The following RELN variants were observed in gnomAD, a reference collection of about 807,000 sequenced individuals.
The protein encoded by RELN is reelin.
In RELN, 108 loss-of-function variants were observed where a neutral mutation model predicts 427.6. The ratio of observed to expected loss-of-function variants is 0.25; its 90% CI spans 0.22 to 0.30. The LOEUF (loss-of-function observed/expected upper bound fraction) is 0.30, where lower values mean the gene tolerates loss of function less well. Ranked by LOEUF, RELN falls within the 10% of genes least tolerant of loss-of-function variation. RELN has a pLI of 1.00. For synonymous variants in RELN, 1,524 were observed against 1,513.4 expected (o/e 1.01, Z -0.16); for missense variants, 3,715 against 4,302.8 (o/e 0.86, Z 3.82).
intron 1 of RELN, among the ~76,000 whole-genome samples, chr7:103,930,476 T>C (rs1021416304): frequency 1.3e-5 from 2 of 151,962 alleles, no homozygotes; most frequent in Non-Finnish European, 1.5e-5. Context: ...AATGCATTTC[T>C]TTCTTTTTTG....
At chr7:103,634,635 C>A (rs1201237681) in intron 19 of RELN, among the ~76,000 whole-genome samples, 1 of 151,854 alleles carries the variant, frequency 6.6e-6, no homozygotes, top group African/African-American at 2.4e-5. Flanking sequence ...CCCATTTTTG[C>A]CAGAGACACT....
chr7:103,523,961 GC>G (rs1323700656), intron 46 of RELN, among the ~76,000 whole-genome samples: 3 of 152,196 alleles, frequency 2.0e-5, no homozygotes, highest in African/African-American at 7.2e-5. Flanking sequence ...ACAGGCATGA[GC>G]CACTGTGCCT....
chr7:103,684,298 G>A (rs1003108882), intron 10 of RELN, among the ~76,000 whole-genome samples: 1 of 152,134 alleles, frequency 6.6e-6, no homozygotes, highest in Non-Finnish European at 1.5e-5. Context: ...GGCACAGCGG[G>A]CTTGGTGTCT....
rs1427587766 is a variant in RELN at position 103,486,426 on chromosome 7, A to G, written c.9764-10T>C. 15 of 1,606,110 alleles carry G rather than the reference A, an allele frequency of 9.3e-6. No homozygotes were observed. Among genetic ancestry groups the G allele is most frequent in the Non-Finnish European group, 1.3e-5 (15 of 1,172,748 alleles). ...ACAGAGCAGTCATCACCTAGAGGAC[A>G]AGGAGCAGTCACAGAAATTAAGTGG... On this transcript the variant is annotated splice_polypyrimidine_tract_variant and intron_variant, in intron 60 of 64. Transcript: ENST00000428762.
chr7:103,571,572 A>G lies in RELN; in HGVS notation c.4588+612T>C, dbSNP rs77305327. ...TTTAGTGCATGATCATGGGCAGGTT[A>G]CTTGACCTTTCGGTGCCTCAGTTTC... On this transcript the variant is annotated intron_variant, in intron 31 of 64. Coordinates refer to ENST00000428762, the MANE Select transcript of RELN (RefSeq NM_005045.4). Among the ~76,000 whole-genome samples the G allele has an allele frequency of 5.8e-3, 884 of 152,296 alleles. 6 individuals carry two copies. Among genetic ancestry groups the G allele is most frequent in the African/African-American group, 0.02 (849 of 41,564 alleles).
At chr7:103,744,967 G>T (rs1032573729) in intron 6 of RELN, among the ~76,000 whole-genome samples, 17 of 152,118 alleles carry the variant, frequency 1.1e-4, no homozygotes, top group African/African-American at 4.1e-4. Context: ...AACCAAAAAA[G>T]ATAATTTTAG....
intron 1 of RELN, among the ~76,000 whole-genome samples, chr7:103,922,888 G>A (rs1205833045): frequency 4.2e-5 from 6 of 144,188 alleles, no homozygotes; most frequent in Non-Finnish European, 7.4e-5. Context: ...TTTAATATGT[G>A]CAGAAAAGAA....
chr7:103,640,637 T>C lies in RELN; in HGVS notation c.2003-28A>G. The C allele has an allele frequency of 1.2e-6, 2 of 1,609,004 alleles. No homozygotes were observed. Among genetic ancestry groups the C allele is most frequent in the Non-Finnish European group, 1.7e-6 (2 of 1,176,104 alleles). On this transcript the variant is annotated intron_variant, in intron 16 of 64. Coordinates refer to ENST00000428762, the MANE Select transcript of RELN (RefSeq NM_005045.4). The surrounding 1 kb of genome is among the most constrained non-coding windows in gnomAD (Gnocchi z 4.1). Reference sequence around the variant, plus strand: ...GTGGGAGGGAAAAAGAGAACATAATTACAAAAACATAGAACACTACCAGTA... The same window carrying C: ...GTGGGAGGGAAAAAGAGAACATAATCACAAAAACATAGAACACTACCAGTA...
intron 19 of RELN, 38 bp downstream of exon 19, chr7:103,635,387 C>T (rs956100172): frequency 7.5e-6 from 12 of 1,605,062 alleles, no homozygotes; most frequent in Non-Finnish European, 1.0e-5. Context: ...GAGAAGATTT[C>T]ACTCTACAAC....
At chr7:103,718,976 CCAAA>C (rs1412282366) in intron 8 of RELN, among the ~76,000 whole-genome samples, 1 of 152,034 alleles carries the variant, frequency 6.6e-6, no homozygotes, top group East Asian at 1.9e-4. Context: ...ACACAACTAC[CCAAA>C]CAATTTTTCT....
At chr7:103,817,440 A>G (rs1490035372) in intron 3 of RELN, among the ~76,000 whole-genome samples, 1 of 152,222 alleles carries the variant, frequency 6.6e-6, no homozygotes, top group Non-Finnish European at 1.5e-5. Context: ...CTTTTAATTT[A>G]GCAAAAGCAG....
chr7:103,811,725 C>T (rs559116391), intron 3 of RELN, among the ~76,000 whole-genome samples: 6 of 152,276 alleles, frequency 3.9e-5, no homozygotes, highest in African/African-American at 1.2e-4. Context: ...GGTGTTAAAA[C>T]AATTTCATAA....
chr7:103,528,184 G>A (rs1343311469), intron 46 of RELN, among the ~76,000 whole-genome samples: 1 of 152,182 alleles, frequency 6.6e-6, no homozygotes, highest in African/African-American at 2.4e-5. Context: ...ATAAAATGTG[G>A]TATATCCATA....
chr7:103,501,414 C>T lies in RELN; in HGVS notation c.8490-492G>A, dbSNP rs79861185. Among the ~76,000 whole-genome samples, 1,219 of 152,248 alleles carry T rather than the reference C, an allele frequency of 8.0e-3. 12 individuals are homozygous for T. The highest frequency in any genetic ancestry group is 0.048 in the Middle Eastern group (14 of 294). On this transcript the variant is annotated intron_variant, in intron 52 of 64. Coordinates refer to ENST00000428762, the MANE Select transcript of RELN (RefSeq NM_005045.4). ...AAGACAATCAATATTCTCAGAGTAA[C>T]TATGCTAATTAGAAAACAATTTTGA...
Position 103,565,538 on chromosome 7 carries a change from A to G in RELN, c.4950T>C (p.Tyr1650=), listed in dbSNP as rs145072594. 1.1e-5 allele frequency: 18 copies of G among 1,609,048 alleles called. No homozygotes were observed. The highest frequency in any genetic ancestry group is 8.5e-7 in the Non-Finnish European group (1 of 1,178,270). The part of the protein sequence containing the change: ...IFTENIGKPR[Y]AETWDFHVSA... ...ACACATGAAAATCCCAGGTCTCAGC[A>G]TAACGAGGTTTTCCTGAAAAAAAAA... The change falls in exon 34 of 65, where the codon TAT becomes TAC. Residue 1650 remains tyrosine, a synonymous_variant. Transcript: ENST00000428762.
At position 103,783,293 on chromosome 7, in the gene RELN, T is replaced by C. The variant is rs73712243; in HGVS notation, c.474-6666A>G. ...TAAAAGCATAAAACGTACAGTGCAT[T>C]CTAATTTGGGGATATATATTGATGT... On this transcript the variant is annotated intron_variant, in intron 3 of 64. Coordinates refer to ENST00000428762, the MANE Select transcript of RELN (RefSeq NM_005045.4). Among the ~76,000 whole-genome samples, 1,484 of 151,852 alleles carry C rather than the reference T, an allele frequency of 9.8e-3. 22 individuals carry two copies. Among genetic ancestry groups the C allele is most frequent in the African/African-American group, 0.034 (1,417 of 41,426 alleles).
chr7:103,907,252 C>A (rs1412267037), intron 2 of RELN, among the ~76,000 whole-genome samples: 1 of 151,386 alleles, frequency 6.6e-6, no homozygotes, highest in Non-Finnish European at 1.5e-5. Context: ...CCCATCTCTA[C>A]TAAAAACACA....
chr7:103,936,427 T>C (rs1244759353), intron 1 of RELN, among the ~76,000 whole-genome samples: 1 of 152,148 alleles, frequency 6.6e-6, no homozygotes, highest in Admixed American at 6.6e-5. Flanking sequence ...TTCATTCTAG[T>C]GTGCCTCTTC....
chr7:103,477,857 C>CTCCTAAGTATTA (rs1294085204), intron 64 of RELN, among the ~76,000 whole-genome samples: 1 of 152,198 alleles, frequency 6.6e-6, no homozygotes, highest in Non-Finnish European at 1.5e-5. Context: ...AGATCTAGAA[C>CTCCTAAGTATTA]TCCTAAGTAT....
Sources: allele counts gnomAD v4.1 joint callset (sites outside exome capture counted in the v4.1 genomes callset), GRCh38; gene constraint gnomAD v4.1.1; non-coding constraint Gnocchi (gnomAD v3.1); transcripts MANE v1.5; gene names NCBI Gene and HGNC (gene_info 2026-07-23, HGNC 2026-07-21).